CRACD: variants seen among roughly 807,000 people sequenced by gnomAD.
CRACD encodes capping protein inhibiting regulator of actin dynamics.
A neutral mutation model predicts 106.8 loss-of-function variants in CRACD; 56 were observed. The observed-to-expected ratio is 0.52, with a 90% CI of 0.42 to 0.66. The LOEUF is 0.66. Among genes scored for constraint, CRACD ranks in the 30% least tolerant of loss-of-function variants. The probability of loss-of-function intolerance (pLI) is 0.00; values close to 1 mark genes in which losing one functional copy is unlikely to be tolerated. For synonymous variants in CRACD, 754 were observed against 670.8 expected, an observed-to-expected ratio of 1.12 and a Z score of -1.92; for missense variants, 1,730 against 1,623.2, an observed-to-expected ratio of 1.07 and a Z score of -1.13.
chr4:56,087,472 C>G (rs930371087), intron 1 of CRACD, among the ~76,000 whole-genome samples: 9 of 152,150 alleles, frequency 5.9e-5, no homozygotes, highest in Non-Finnish European at 1.3e-4. Context: ...TCTGTCTGCT[C>G]CTTCTTGCGG....
intron 1 of CRACD, among the ~76,000 whole-genome samples, chr4:56,103,043 C>T (rs1018809637): frequency 3.3e-5 from 5 of 152,270 alleles, no homozygotes; most frequent in African/African-American, 4.8e-5. Context: ...CTGAGAAAGT[C>T]GGAAACCGAG....
intron 1 of CRACD, among the ~76,000 whole-genome samples, chr4:56,124,140 G>T (rs1457521396): frequency 6.6e-6 from 1 of 152,076 alleles, no homozygotes; most frequent in African/African-American, 2.4e-5. Flanking sequence ...GTTTCACCAT[G>T]TTGGCCAGGC....
chr4:56,240,143 C>T (rs1014695600), intron 2 of CRACD, among the ~76,000 whole-genome samples: 1 of 151,938 alleles, frequency 6.6e-6, no homozygotes, highest in African/African-American at 2.4e-5. Flanking sequence ...TGTATGTATA[C>T]TTTTCCTTGT....
chr4:56,173,135 C>A (rs981050380), intron 1 of CRACD, among the ~76,000 whole-genome samples: 4 of 152,176 alleles, frequency 2.6e-5, no homozygotes, highest in Admixed American at 2.6e-4. Context: ...TTTAGGGTGA[C>A]CCCACAGATC....
intron 1 of CRACD, among the ~76,000 whole-genome samples, chr4:56,106,687 C>G (rs1009816674): frequency 1.3e-5 from 2 of 152,158 alleles, no homozygotes; most frequent in African/African-American, 2.4e-5. Context: ...ATTCTTTTTC[C>G]TTGGTTCCTC....
intron 1 of CRACD, among the ~76,000 whole-genome samples, chr4:56,133,817 A>AC (rs1734903665): frequency 6.6e-6 from 1 of 152,238 alleles, no homozygotes; most frequent in African/African-American, 2.4e-5. Context: ...AAGTAGAATA[A>AC]ATACCATGGA....
chr4:56,226,217 G>T (rs1392060818), intron 2 of CRACD, among the ~76,000 whole-genome samples: 1 of 152,166 alleles, frequency 6.6e-6, no homozygotes, highest in African/African-American at 2.4e-5. Context: ...TATCCCAGAG[G>T]AGGCACGTTA....
chr4:56,120,289 T>G (rs961595752), intron 1 of CRACD, among the ~76,000 whole-genome samples: 5 of 152,172 alleles, frequency 3.3e-5, no homozygotes, highest in African/African-American at 9.7e-5. Context: ...TGCTTGTCAT[T>G]CCTTTGAATA....
intron 2 of CRACD, among the ~76,000 whole-genome samples, chr4:56,253,777 G>A (rs1472231063): frequency 6.6e-6 from 1 of 152,206 alleles, no homozygotes; most frequent in Non-Finnish European, 1.5e-5. Context: ...CTGTCTTTGA[G>A]GACTTTGGAC....
At chr4:56,223,759 C>T (rs1577760517) in intron 2 of CRACD, among the ~76,000 whole-genome samples, 1 of 152,034 alleles carries the variant, frequency 6.6e-6, no homozygotes, top group Non-Finnish European at 1.5e-5. Flanking sequence ...GTTACTGTTA[C>T]TATCTTTTTA....
At chr4:56,256,360 T>C (rs1337427518) in intron 2 of CRACD, among the ~76,000 whole-genome samples, 1 of 152,198 alleles carries the variant, frequency 6.6e-6, no homozygotes, top group African/African-American at 2.4e-5. Context: ...TTGTGAGGCC[T>C]CCCCAGCCCC....
rs527953311 is a variant in CRACD at position 56,051,673 on chromosome 4, A to G, written c.-336+2374A>G. Among the ~76,000 whole-genome samples, 19 of 152,302 alleles carry G rather than the reference A, an allele frequency of 1.2e-4. No homozygotes were observed. The South Asian group carries it at 3.5e-3, about 28-fold the overall frequency. Reference sequence around the variant, plus strand: ...CCTGAATCACACAACCTTCTCCAAGATACACTGTACCCCCAGAAAATCACG... The same window carrying G: ...CCTGAATCACACAACCTTCTCCAAGGTACACTGTACCCCCAGAAAATCACG... On this transcript the variant is annotated intron_variant, in intron 1 of 10. Coordinates refer to ENST00000682029, the MANE Select transcript of CRACD (RefSeq NM_001393381.1).
chr4:56,158,566 C>T (rs755502030), intron 1 of CRACD, among the ~76,000 whole-genome samples: 8 of 152,056 alleles, frequency 5.3e-5, no homozygotes, highest in East Asian at 1.9e-4. Flanking sequence ...ATTTTGTAGA[C>T]GGTGATAAAT....
intron 2 of CRACD, among the ~76,000 whole-genome samples, chr4:56,225,944 G>C (rs1248940443): frequency 6.6e-6 from 1 of 152,204 alleles, no homozygotes. Flanking sequence ...TCCTAAATTT[G>C]CTTTCTATCC....
chr4:56,320,658 T>A (rs4167), intron 8 of CRACD: 104,883 of 152,142 alleles, frequency 0.69, 36,268 homozygotes, highest in South Asian at 0.77. Context: ...CTACAGTGGT[T>A]ATGATGGCAC....
intron 1 of CRACD, among the ~76,000 whole-genome samples, chr4:56,093,043 T>A (rs1167291157): frequency 6.6e-6 from 1 of 152,206 alleles, no homozygotes; most frequent in Non-Finnish European, 1.5e-5. Flanking sequence ...CTGAAGTGGA[T>A]TTGAGTGCTA....
chr4:56,168,845 C>T (rs1052039682), intron 1 of CRACD, among the ~76,000 whole-genome samples: 18 of 152,182 alleles, frequency 1.2e-4, no homozygotes, highest in Middle Eastern at 3.4e-3. Flanking sequence ...GATTTTCCCC[C>T]ATCATACTAC....
In CRACD at chr4:56,066,520, G is replaced by A. The variant is rs371307580; in HGVS notation, c.-336+17221G>A. On this transcript the variant is annotated intron_variant, in intron 1 of 10. Transcript: ENST00000682029. ...TTCATGCCACTGCACTCCAGCTTGG[G>A]TGACAGAGCGAGACCCTGTCTCAGA... is the stretch of plus-strand genomic sequence containing the variant. Among the ~76,000 whole-genome samples, 10 of 152,152 alleles carry A rather than the reference G, an allele frequency of 6.6e-5. No homozygotes were observed. In the East Asian group the frequency reaches 1.9e-3, roughly 29 times the overall value.
intron 2 of CRACD, among the ~76,000 whole-genome samples, chr4:56,185,114 G>A (rs1357712441): frequency 1.3e-5 from 2 of 151,998 alleles, no homozygotes; most frequent in Non-Finnish European, 2.9e-5. Flanking sequence ...CCACCACCAC[G>A]CCCGGCTAAT....
Sources: gnomAD v4.1 joint callset for allele counts (sites outside exome capture counted in the v4.1 genomes callset) on GRCh38, gnomAD v4.1.1 for gene constraint, MANE v1.5 for transcripts, NCBI Gene and HGNC (gene_info 2026-07-23, HGNC 2026-07-21) for gene names.